Variants in SPIN1 observed in about 807,000 individuals in gnomAD.
SPIN1 encodes the protein spindlin-1.
A neutral mutation model predicts 26.0 loss-of-function variants in SPIN1; 3 were observed. That is an observed-to-expected ratio of 0.12 (90% CI 0.05 to 0.30). The LOEUF (loss-of-function observed/expected upper bound fraction) is 0.30, where lower values mean the gene tolerates loss of function less well. Among genes scored for constraint, SPIN1 ranks in the 10% least tolerant of loss-of-function variants. The pLI, the probability that SPIN1 is intolerant of heterozygous loss-of-function variation, is 1.00. For missense variants in SPIN1, 126 were observed against 333.4 expected (o/e 0.38, Z 4.84); for synonymous variants, 101 against 116.5 (o/e 0.87, Z 0.86).
chr9:88,449,106 A>G lies in SPIN1; in HGVS notation c.101+117A>G, dbSNP rs1185636663. The G allele has an allele frequency of 3.4e-6, 3 of 892,368 alleles. No homozygotes were observed. In the African/African-American group the frequency reaches 5.0e-5, roughly 15 times the overall value. The allele number at this position is 892,368 out of a possible 1,614,324, so 55.3% of individuals were successfully genotyped here. A position where few individuals can be genotyped will look rare whatever the true frequency, so the allele number is the denominator to read the frequency against. On this transcript the variant is annotated intron_variant, in intron 3 of 5. Transcript: ENST00000375859. Reference sequence around the variant, plus strand: ...GATCGAGGGCTTCCTAGCTCATAGGAGATGTAGTGTGCGATGAGGAATAGT... The same window carrying G: ...GATCGAGGGCTTCCTAGCTCATAGGGGATGTAGTGTGCGATGAGGAATAGT...
chr9:88,410,638 G>A, intron 1 of SPIN1: 1 of 1,112,326 alleles, frequency 9.0e-7, no homozygotes, highest in South Asian at 1.2e-5. Flanking sequence ...ATAGGGGCCA[G>A]AGCTTCTGCC....
intron 1 of SPIN1, among the ~76,000 whole-genome samples, chr9:88,398,605 C>T (rs149895915): frequency 2.6e-5 from 4 of 152,014 alleles, no homozygotes; most frequent in East Asian, 1.9e-4. Flanking sequence ...GACAGAGTTT[C>T]GCTCTTGTTG....
chr9:88,409,041 G>A (rs1403405531), intron 1 of SPIN1, among the ~76,000 whole-genome samples: 1 of 147,758 alleles, frequency 6.8e-6, no homozygotes, highest in African/African-American at 2.6e-5. Flanking sequence ...TGTTGCCCAG[G>A]CTGGAGTGCA....
intron 1 of SPIN1, among the ~76,000 whole-genome samples, chr9:88,397,575 TTGGAC>T (rs1203206453): frequency 6.6e-6 from 1 of 152,058 alleles, no homozygotes; most frequent in African/African-American, 2.4e-5. Context: ...GATAAAGAGA[TTGGAC>T]TGTACTGATA....
At chr9:88,399,869 C>G (rs903816914) in intron 1 of SPIN1, among the ~76,000 whole-genome samples, 3 of 152,120 alleles carry the variant, frequency 2.0e-5, no homozygotes. Flanking sequence ...GTAAGGGACC[C>G]GAAGGTTTCT....
chr9:88,459,778 T>C (rs1828541453), intron 3 of SPIN1, among the ~76,000 whole-genome samples: 1 of 152,364 alleles, frequency 6.6e-6, no homozygotes, highest in Non-Finnish European at 1.5e-5. Context: ...CATATAACTT[T>C]ATAAGAACAG....
chr9:88,441,705 A>G (rs1362413067), intron 2 of SPIN1, among the ~76,000 whole-genome samples: 1 of 151,496 alleles, frequency 6.6e-6, no homozygotes, highest in African/African-American at 2.4e-5. Context: ...GCAGTGAGCC[A>G]TAATCGCACC....
At chr9:88,453,851 G>A (rs529868944) in intron 3 of SPIN1, among the ~76,000 whole-genome samples, 86 of 152,258 alleles carry the variant, frequency 5.6e-4, no homozygotes, top group South Asian at 2.3e-3. Context: ...GGAGAACTAA[G>A]TTAAATTGGG....
chr9:88,399,564 C>T (rs1435637498), intron 1 of SPIN1, among the ~76,000 whole-genome samples: 1 of 152,048 alleles, frequency 6.6e-6, no homozygotes, highest in South Asian at 2.1e-4. Context: ...GGCAGAGAAG[C>T]TTAAGGAGAG....
At chr9:88,427,812 C>T (rs774338092) in intron 2 of SPIN1, among the ~76,000 whole-genome samples, 4 of 151,792 alleles carry the variant, frequency 2.6e-5, no homozygotes, top group Non-Finnish European at 5.9e-5. Context: ...TTGGCCAGGC[C>T]GGTCTTGAAC....
chr9:88,456,102 T>TTG (rs1050283716), intron 3 of SPIN1, among the ~76,000 whole-genome samples: 4 of 152,188 alleles, frequency 2.6e-5, no homozygotes, highest in African/African-American at 9.6e-5. Flanking sequence ...TTATTTTCTT[T>TTG]TGATAAATTT....
chr9:88,415,826 C>T (rs1385302061), intron 1 of SPIN1: 1 of 152,106 alleles, frequency 6.6e-6, no homozygotes, highest in Non-Finnish European at 1.5e-5. Flanking sequence ...TCACTGAAAG[C>T]TCTGCCTCCC....
intron 1 of SPIN1, among the ~76,000 whole-genome samples, chr9:88,394,869 G>T (rs1391371330): frequency 1.3e-5 from 2 of 148,632 alleles, no homozygotes; most frequent in Non-Finnish European, 3.0e-5. Context: ...GAGTCCAGTG[G>T]TGCGATCTCG....
intron 1 of SPIN1, chr9:88,389,433 A>G (rs953235370): frequency 1.3e-5 from 2 of 152,244 alleles, no homozygotes; most frequent in African/African-American, 4.8e-5. Context: ...TAATGGCTTC[A>G]GTAATGTCAT....
At chr9:88,465,552 T>C (rs1470225698) in intron 4 of SPIN1, among the ~76,000 whole-genome samples, 1 of 152,220 alleles carries the variant, frequency 6.6e-6, no homozygotes, top group Admixed American at 6.5e-5. Flanking sequence ...ATTAGTGATA[T>C]TGAGCATCTT....
intron 3 of SPIN1, among the ~76,000 whole-genome samples, chr9:88,456,274 TA>T (rs1343633816): frequency 6.6e-6 from 1 of 152,172 alleles, no homozygotes; most frequent in Non-Finnish European, 1.5e-5. Flanking sequence ...ATCAAAATTC[TA>T]AGTTTTTGTT....
At chr9:88,446,180 T>G (rs1333951061) in intron 2 of SPIN1, among the ~76,000 whole-genome samples, 1 of 152,198 alleles carries the variant, frequency 6.6e-6, no homozygotes, top group East Asian at 1.9e-4. Flanking sequence ...CATATGCATT[T>G]AAGATTATTA....
chr9:88,429,311 A>T (rs1298934945), intron 2 of SPIN1, among the ~76,000 whole-genome samples: 1 of 152,098 alleles, frequency 6.6e-6, no homozygotes. Context: ...GATACTGTCC[A>T]CCTAGAGACA....
At chr9:88,456,801 A>G (rs1488215591) in intron 3 of SPIN1, among the ~76,000 whole-genome samples, 1 of 152,246 alleles carries the variant, frequency 6.6e-6, no homozygotes, top group Non-Finnish European at 1.5e-5. Flanking sequence ...CAGAAGAACA[A>G]GCCAGGAATC....
Sources: allele counts gnomAD v4.1 joint callset (sites outside exome capture counted in the v4.1 genomes callset), GRCh38; gene constraint gnomAD v4.1.1; transcripts MANE v1.5; gene names NCBI Gene and HGNC (gene_info 2026-07-23, HGNC 2026-07-21).